KDM8: variants seen among roughly 807,000 people sequenced by gnomAD.
KDM8 encodes the protein lysine demethylase 8, also known as bifunctional peptidase and arginyl-hydroxylase JMJD5.
A neutral mutation model predicts 46.9 loss-of-function variants in KDM8; 35 were observed. That is an observed-to-expected ratio of 0.75 (90% confidence interval 0.57 to 0.99). The LOEUF (loss-of-function observed/expected upper bound fraction) is 0.99. Ranked by LOEUF, KDM8 falls within the 50% of genes least tolerant of loss-of-function variation. The pLI, the probability that KDM8 is intolerant of heterozygous loss-of-function variation, is 0.00. For missense variants in KDM8, 475 were observed against 537.0 expected (o/e 0.88, Z 1.14); for synonymous variants, 232 against 227.7 (o/e 1.02, Z -0.17).
At chr16:27,212,758 A>G (rs939682912) in intron 2 of KDM8, among the ~76,000 whole-genome samples, 6 of 152,162 alleles carry the variant, frequency 3.9e-5, no homozygotes, top group Non-Finnish European at 7.3e-5. Flanking sequence ...TAAATAAAAC[A>G]TAGCTCACTG....
intron 6 of KDM8, among the ~76,000 whole-genome samples, chr16:27,219,357 G>C (rs1033656204): frequency 6.6e-6 from 1 of 152,188 alleles, no homozygotes; most frequent in Non-Finnish European, 1.5e-5. Flanking sequence ...GGGAGCCCTC[G>C]GGAGAGGGAG....
intron 5 of KDM8, 121 bp from the exon 6 acceptor site, chr16:27,218,840 C>A: frequency 8.7e-7 from 1 of 1,153,832 alleles, no homozygotes; most frequent in Non-Finnish European, 1.3e-6. Flanking sequence ...GAGCCAGACC[C>A]TGTCTCAAAC....
chr16:27,214,735 A>G (rs2083527974), intron 3 of KDM8, 141 bp from the exon 4 acceptor site: 2 of 880,980 alleles, frequency 2.3e-6, no homozygotes, highest in Non-Finnish European at 3.6e-6. Flanking sequence ...CCGGTTCCTC[A>G]TCAGTGAAGC....
chr16:27,220,866 TG>T lies in KDM8; in HGVS notation c.*142del. The stretch of plus-strand genomic sequence containing the variant: ...AGCCTTCACTGCCCAGTGGCAGCCC[TG>T]GGGGGCTGAGCTCCAGCACTGGACA... On this transcript the variant is annotated 3_prime_UTR_variant, in exon 8 of 8. Coordinates refer to ENST00000286096, the MANE Select transcript of KDM8 (RefSeq NM_024773.3). 1.9e-6 allele frequency: 2 copies of T among 1,058,548 alleles called. No individual in the cohort carries two copies. The highest frequency in any genetic ancestry group is 2.5e-5 in the East Asian group (1 of 40,702). 65.6% of individuals were successfully genotyped at this position (1,058,548 alleles called of 1,614,324 possible).
Position 27,210,099 on chromosome 16 carries a change from G to A in KDM8, c.-25G>A, listed in dbSNP as rs1318337652. The A allele has an allele frequency of 1.9e-6, 3 of 1,604,800 alleles. No homozygotes were observed. In the African/African-American group the frequency reaches 4.0e-5, roughly 21 times the overall value. On this transcript the variant is annotated 5_prime_UTR_variant, in exon 2 of 8. Transcript: ENST00000286096. ...TTTCTCTCCACCTCCCCAGGCACGG[G>A]ACTGAACCAGCTGGTGGTGGCCCGA... is the stretch of plus-strand genomic sequence containing the variant.
At chr16:27,203,955 C>T (rs1596640079) in intron 1 of KDM8, 1 of 620,110 alleles carries the variant, frequency 1.6e-6, no homozygotes, top group East Asian at 3.4e-5. Context: ...CGGTTCTTGG[C>T]GTCGCGTTGG....
chr16:27,213,974 C>T (rs1211505564), intron 3 of KDM8: 2 of 494,678 alleles, frequency 4.0e-6, no homozygotes, highest in Admixed American at 7.5e-5. Context: ...TCGCCTTAAG[C>T]GGTTTTTTAA....
chr16:27,209,603 G>A (rs564175752), intron 1 of KDM8, among the ~76,000 whole-genome samples: 4 of 152,368 alleles, frequency 2.6e-5, no homozygotes, highest in South Asian at 2.1e-4. Context: ...TCTGGGAAAC[G>A]TAGGGGAATG....
intron 1 of KDM8, chr16:27,204,432 ATG>A: frequency 8.8e-7 from 1 of 1,139,282 alleles, no homozygotes; most frequent in Non-Finnish European, 1.1e-6. Context: ...TTTCTGGAAA[ATG>A]TTCCAAACTT....
At chr16:27,214,714 A>C (rs1449813219) in intron 3 of KDM8, 162 bp from the exon 4 acceptor site, 9 of 722,122 alleles carry the variant, frequency 1.2e-5, no homozygotes, top group Non-Finnish European at 1.9e-5. Context: ...AGGGAGCCCC[A>C]CCTCTCCATG....
In KDM8 at chr16:27,220,664, G is replaced by A. The variant is rs145297087; in HGVS notation, c.1185G>A (p.Pro395=). ...ILSPGEILFI[P]VKYWHYVRAL... is the part of the protein sequence containing the mutation. ...CTCCTGGAGAGATCCTGTTCATCCC[G>A]GTGAAATACTGGCATTACGTGCGGG... The change falls in exon 8 of 8, where the codon CCG becomes CCA. Residue 395 remains proline, a synonymous_variant. Coordinates refer to ENST00000286096, the MANE Select transcript of KDM8 (RefSeq NM_024773.3). 8.1e-5 allele frequency: 130 copies of A among 1,614,108 alleles called. 1 individual carries two copies. In the Admixed American group the frequency reaches 1.7e-3, roughly 22 times the overall value.
chr16:27,210,706 G>C (rs1218994539), intron 2 of KDM8, 85 bp downstream of exon 2: 24 of 1,341,854 alleles, frequency 1.8e-5, no homozygotes, highest in Non-Finnish European at 2.2e-5. Flanking sequence ...CTCCCCTGGG[G>C]TGAGGCCTCG....
At position 27,210,156 on chromosome 16, in the gene KDM8, C is replaced by T; in HGVS notation, c.33C>T (p.Pro11=). 2 of 1,613,494 alleles carry T rather than the reference C, an allele frequency of 1.2e-6. No individual in the cohort carries two copies. Among genetic ancestry groups the T allele is most frequent in the South Asian group, 1.1e-5 (1 of 91,086 alleles). Residue 11 remains proline, a synonymous_variant, in exon 2 of 8, where the codon CCC becomes CCT. Coordinates refer to ENST00000286096, the MANE Select transcript of KDM8 (RefSeq NM_024773.3). MAGDTHCPAE[P]LAREGTLWEA... Reference sequence around the variant, plus strand: ...GAGACACCCACTGCCCCGCAGAGCCCCTGGCCAGAGAAGGCACTTTATGGG... The same window carrying T: ...GAGACACCCACTGCCCCGCAGAGCCTCTGGCCAGAGAAGGCACTTTATGGG...
intron 1 of KDM8, among the ~76,000 whole-genome samples, chr16:27,209,538 T>C (rs970227061): frequency 4.6e-5 from 7 of 152,198 alleles, no homozygotes; most frequent in African/African-American, 1.7e-4. Context: ...CTCGAATACT[T>C]TTCAAAGCCT....
Position 27,220,939 on chromosome 16 carries a change from G to C in KDM8, c.*209G>C, listed in dbSNP as rs751737364. ...AGGAAGGAGCACACTCCAGGCCAGG[G>C]GTGCATGGCAGAGGAAGGTGGGGAG... is the stretch of plus-strand genomic sequence containing the variant. On this transcript the variant is annotated 3_prime_UTR_variant, in exon 8 of 8. Transcript: ENST00000286096. 2 of 648,274 alleles carry C rather than the reference G, an allele frequency of 3.1e-6. No homozygotes were observed. Among genetic ancestry groups the C allele is most frequent in the East Asian group, 5.7e-5 (2 of 35,324 alleles). 40.2% of individuals were successfully genotyped at this position (648,274 alleles called of 1,614,324 possible). A position where few individuals can be genotyped will look rare whatever the true frequency, so the allele number is the denominator to read the frequency against.
At chr16:27,208,199 AG>A (rs2083444918) in intron 1 of KDM8, among the ~76,000 whole-genome samples, 1 of 152,224 alleles carries the variant, frequency 6.6e-6, no homozygotes, top group South Asian at 2.1e-4. Flanking sequence ...GAGGTCTCCA[AG>A]GCCGATTTGC....
In KDM8 at chr16:27,210,235, G is replaced by C. The variant is rs186304788; in HGVS notation, c.112G>C (p.Gly38Arg). Residue 38 changes from glycine (G) to arginine (R), a missense_variant, in exon 2 of 8, where the codon GGG (glycine) becomes CGG (arginine). By Grantham distance (125) the Gly-to-Arg change is moderately radical. Transcript: ENST00000286096. ...TAAAGAAGACCTGAAGTTGGACCTC[G>C]GGGAGAAAGTGGAGAGGAGCGTGGT... is the stretch of plus-strand genomic sequence containing the variant. Reference protein sequence around the residue: ...HSKEDLKLDLGEKVERSVVTL... With the variant: ...HSKEDLKLDLREKVERSVVTL... 1 of 1,613,302 alleles carries C rather than the reference G, an allele frequency of 6.2e-7. No individual in the cohort carries two copies. Among genetic ancestry groups the C allele is most frequent in the Non-Finnish European group, 8.5e-7 (1 of 1,180,040 alleles).
chr16:27,209,208 GC>G (rs1363124678), intron 1 of KDM8, among the ~76,000 whole-genome samples: 1 of 152,184 alleles, frequency 6.6e-6, no homozygotes, highest in Non-Finnish European at 1.5e-5. Context: ...TTGACCGTAG[GC>G]CTTGGGGCAA....
intron 2 of KDM8, 103 bp from the exon 3 acceptor site, chr16:27,213,482 G>C: frequency 8.5e-7 from 1 of 1,173,154 alleles, no homozygotes; most frequent in Non-Finnish European, 1.2e-6. Context: ...TGGTACTCTT[G>C]ACAGCTAAGC....
Sources: gnomAD v4.1 joint callset for allele counts (sites outside exome capture counted in the v4.1 genomes callset) on GRCh38, gnomAD v4.1.1 for gene constraint, MANE v1.5 for transcripts, NCBI Gene and HGNC (gene_info 2026-07-23, HGNC 2026-07-21) for gene names.